Variants in LYN observed in about 807,000 individuals in gnomAD.
LYN encodes tyrosine-protein kinase Lyn.
LYN carries 12 observed loss-of-function variants against 65.0 expected under a neutral mutation model. That is an observed-to-expected ratio of 0.18 (90% CI 0.12 to 0.30). LYN has a LOEUF of 0.30. LYN is among the 10% of genes least tolerant of loss of function. LYN has a pLI of 1.00. For synonymous variants in LYN, 222 were observed against 221.2 expected (o/e 1.00, Z -0.03); for missense variants, 380 against 623.2 (o/e 0.61, Z 4.16).
intron 9 of LYN, among the ~76,000 whole-genome samples, chr8:55,969,412 G>A (rs780024801): frequency 2.0e-5 from 3 of 152,234 alleles, no homozygotes; most frequent in Non-Finnish European, 4.4e-5. Context: ...GTGGCAGTGA[G>A]TGGATCATGG....
intron 12 of LYN, among the ~76,000 whole-genome samples, chr8:56,002,533 T>G (rs977267640): frequency 6.6e-6 from 1 of 150,468 alleles, no homozygotes; most frequent in Admixed American, 6.6e-5. Flanking sequence ...ACCCAGGAGG[T>G]AGAGGTTGCA....
intron 10 of LYN, among the ~76,000 whole-genome samples, chr8:55,973,433 A>C (rs113732653): frequency 0.026 from 3,894 of 152,322 alleles, 62 homozygotes; most frequent in South Asian, 0.045. Context: ...TTTGTGCTGA[A>C]ATAGGAAAAT....
chr8:55,942,291 A>G (rs911146372), intron 2 of LYN, among the ~76,000 whole-genome samples: 2 of 149,144 alleles, frequency 1.3e-5, no homozygotes, highest in East Asian at 1.9e-4. Flanking sequence ...ACACATATAT[A>G]TGTGTGTGTG....
intron 1 of LYN, among the ~76,000 whole-genome samples, chr8:55,938,267 A>G (rs937727536): frequency 2.0e-5 from 3 of 152,210 alleles, no homozygotes; most frequent in East Asian, 1.9e-4. Context: ...AACTTTTGCA[A>G]TGAACAGACT....
intron 1 of LYN, among the ~76,000 whole-genome samples, chr8:55,901,260 G>A (rs1329931719): frequency 1.3e-5 from 2 of 152,048 alleles, no homozygotes; most frequent in Non-Finnish European, 2.9e-5. Flanking sequence ...ACTTCACCTC[G>A]TCCTTTAAAA....
intron 1 of LYN, among the ~76,000 whole-genome samples, chr8:55,918,464 G>A (rs1199180610): frequency 2.0e-5 from 3 of 152,210 alleles, no homozygotes; most frequent in Non-Finnish European, 4.4e-5. Context: ...GTGCAGCCAG[G>A]ATTAAGAATC....
intron 10 of LYN, among the ~76,000 whole-genome samples, chr8:55,973,824 T>C (rs546118686): frequency 2.1e-4 from 32 of 152,232 alleles, no homozygotes; most frequent in Non-Finnish European, 3.5e-4. Context: ...CATGCACCTA[T>C]TGTCTCAGCT....
chr8:55,945,926 C>G (rs1192097370), intron 2 of LYN, among the ~76,000 whole-genome samples: 1 of 152,198 alleles, frequency 6.6e-6, no homozygotes. Flanking sequence ...TCACCAGGGT[C>G]CCACCTCTTC....
At chr8:55,941,104 C>T (rs16922451) in intron 1 of LYN, among the ~76,000 whole-genome samples, 2,267 of 152,286 alleles carry the variant, frequency 0.015, 143 homozygotes, top group East Asian at 0.12. Context: ...AGGCCCCTAC[C>T]TATGTTTAGC....
chr8:55,932,322 A>T (rs1806293705), intron 1 of LYN, among the ~76,000 whole-genome samples: 1 of 152,236 alleles, frequency 6.6e-6, no homozygotes, highest in Non-Finnish European at 1.5e-5. Context: ...CTAGTGACAG[A>T]TTAATATAGT....
At chr8:55,934,787 C>G (rs188689732) in intron 1 of LYN, among the ~76,000 whole-genome samples, 118 of 152,350 alleles carry the variant, frequency 7.7e-4, no homozygotes, top group African/African-American at 2.7e-3. Flanking sequence ...CCTCACCCCC[C>G]TTTCCCAATT....
intron 1 of LYN, among the ~76,000 whole-genome samples, chr8:55,903,525 G>A (rs1805337737): frequency 6.6e-6 from 1 of 152,204 alleles, no homozygotes; most frequent in Non-Finnish European, 1.5e-5. Context: ...TGAATAGTTT[G>A]AAAATTTGCT....
intron 1 of LYN, among the ~76,000 whole-genome samples, chr8:55,930,277 G>A (rs1045331927): frequency 1.3e-5 from 2 of 152,134 alleles, no homozygotes; most frequent in African/African-American, 4.8e-5. Context: ...CTTCTTTTAG[G>A]TGTCTTGAGC....
At chr8:55,928,180 C>G (rs1196350099) in intron 1 of LYN, among the ~76,000 whole-genome samples, 1 of 152,216 alleles carries the variant, frequency 6.6e-6, no homozygotes, top group Non-Finnish European at 1.5e-5. Flanking sequence ...GAATCTCGCT[C>G]TGTTGCCCAG....
At chr8:55,983,320 A>C (rs924464220) in intron 10 of LYN, among the ~76,000 whole-genome samples, 1 of 152,116 alleles carries the variant, frequency 6.6e-6, no homozygotes, top group Admixed American at 6.5e-5. Context: ...GAGCCCTGAC[A>C]TGCATCAGGT....
Position 56,012,608 on chromosome 8 carries a change from A to C in LYN, c.*2498A>C, listed in dbSNP as rs775082693. 1.0e-4 allele frequency: 16 copies of C among 153,048 alleles called. No individual in the cohort carries two copies. Among genetic ancestry groups the C allele is most frequent in the Non-Finnish European group, 2.2e-4 (15 of 68,776 alleles). The allele number at this position is 153,048 out of a possible 1,614,324, so 9.5% of individuals were successfully genotyped here. On this transcript the variant is annotated 3_prime_UTR_variant, in exon 13 of 13. Transcript: ENST00000519728. ...GTGGCACATACCTATGGTCCCAGCT[A>C]CTCAGGAGGCTGAGGTGGGAGGATT...
At chr8:55,890,091 A>G (rs1296605889) in intron 1 of LYN, among the ~76,000 whole-genome samples, 1 of 149,050 alleles carries the variant, frequency 6.7e-6, no homozygotes, top group African/African-American at 2.5e-5. Flanking sequence ...AGCCTGGGCA[A>G]TAAAGTGAGA....
intron 10 of LYN, among the ~76,000 whole-genome samples, chr8:55,983,460 C>T (rs781037995): frequency 6.6e-6 from 1 of 152,228 alleles, no homozygotes; most frequent in Non-Finnish European, 1.5e-5. Flanking sequence ...CCAGCTACCT[C>T]AGCCTCCAGG....
At position 55,925,081 on chromosome 8, in the gene LYN, C is replaced by T. The variant is rs770273905; in HGVS notation, c.-5-16774C>T. ...GGGGTGATCCGCTTGCTTCAGCCTT[C>T]CAAAGTGTTGGGATTACAGGCGTGA... On this transcript the variant is annotated intron_variant, in intron 1 of 12. Transcript: ENST00000519728. Among the ~76,000 whole-genome samples, 82 of 151,966 alleles carry T rather than the reference C, an allele frequency of 5.4e-4. 1 individual carries two copies. Among genetic ancestry groups the T allele is most frequent in the African/African-American group, 1.9e-3 (79 of 41,438 alleles).
Sources: gnomAD v4.1 joint callset for allele counts (sites outside exome capture counted in the v4.1 genomes callset) on GRCh38, gnomAD v4.1.1 for gene constraint, MANE v1.5 for transcripts, NCBI Gene and HGNC (gene_info 2026-07-23, HGNC 2026-07-21) for gene names.